Variants in GBF1 observed in about 807,000 individuals in gnomAD.
The protein encoded by GBF1 is Golgi-specific brefeldin A-resistance guanine nucleotide exchange factor 1.
Under a neutral mutation model 210.5 loss-of-function variants are expected in GBF1, and 114 were observed. That is an observed-to-expected ratio of 0.54 (90% CI 0.47 to 0.63). The LOEUF is 0.63. Among genes scored for constraint, GBF1 ranks in the 30% least tolerant of loss-of-function variants. The probability of loss-of-function intolerance (pLI) is 0.00; values close to 1 mark genes in which losing one functional copy is unlikely to be tolerated. For missense variants in GBF1, 1,851 were observed against 2,357.7 expected (o/e 0.79, Z 4.45); for synonymous variants, 850 against 889.2 (o/e 0.96, Z 0.78).
chr10:102,275,528 G>T (rs2074877808), intron 3 of GBF1, among the ~76,000 whole-genome samples: 1 of 152,138 alleles, frequency 6.6e-6, no homozygotes, highest in Non-Finnish European at 1.5e-5. Flanking sequence ...GTTAAACAGT[G>T]GTTAAGAACT....
intron 3 of GBF1, among the ~76,000 whole-genome samples, chr10:102,278,171 C>T (rs1416127426): frequency 6.6e-6 from 1 of 151,932 alleles, no homozygotes; most frequent in Non-Finnish European, 1.5e-5. Context: ...GGTGGGAGGA[C>T]TGCTTGAGCC....
At chr10:102,368,592 T>G in intron 22 of GBF1, 138 bp downstream of exon 22, 1 of 804,350 alleles carries the variant, frequency 1.2e-6, no homozygotes, top group Non-Finnish European at 2.1e-6. Flanking sequence ...GGCTGAAGCT[T>G]GGGTAGGCTC....
At chr10:102,291,958 C>A (rs946464444) in intron 3 of GBF1, among the ~76,000 whole-genome samples, 2 of 146,862 alleles carry the variant, frequency 1.4e-5, no homozygotes, top group South Asian at 4.4e-4. Context: ...GGCACAATCT[C>A]AGCTCACTGC....
intron 3 of GBF1, among the ~76,000 whole-genome samples, chr10:102,271,049 A>T (rs548522743): frequency 4.1e-4 from 61 of 149,900 alleles, no homozygotes; most frequent in South Asian, 8.5e-4. Flanking sequence ...TATTATTATT[A>T]TTTTTTGAGA....
chr10:102,259,166 T>A, intron 2 of GBF1, 132 bp downstream of exon 2: 1 of 605,060 alleles, frequency 1.7e-6, no homozygotes, highest in Non-Finnish European at 3.0e-6. Context: ...TGATATCTTG[T>A]TTTTTTGTAT....
chr10:102,248,536 A>G (rs1402197772), intron 1 of GBF1, among the ~76,000 whole-genome samples: 1 of 152,206 alleles, frequency 6.6e-6, no homozygotes, highest in African/African-American at 2.4e-5. Context: ...CCAGGCAGGT[A>G]ATGTAAATGA....
At chr10:102,327,683 G>A (rs948797671) in intron 3 of GBF1, among the ~76,000 whole-genome samples, 2 of 152,186 alleles carry the variant, frequency 1.3e-5, no homozygotes, top group African/African-American at 4.8e-5. Context: ...AGTTGATTGA[G>A]CATAAAGTAT....
intron 4 of GBF1, among the ~76,000 whole-genome samples, chr10:102,345,518 G>A (rs1224184493): frequency 4.7e-5 from 7 of 150,334 alleles, no homozygotes; most frequent in Admixed American, 6.6e-5. Flanking sequence ...AGGGTGGTAC[G>A]TGCCTGTAAT....
At chr10:102,292,935 A>T (rs907943694) in intron 3 of GBF1, among the ~76,000 whole-genome samples, 1 of 152,112 alleles carries the variant, frequency 6.6e-6, no homozygotes, top group African/African-American at 2.4e-5. Flanking sequence ...TTCTGCTTCA[A>T]ACTTGTTATG....
chr10:102,280,438 C>T (rs1052833438), intron 3 of GBF1, among the ~76,000 whole-genome samples: 3 of 152,086 alleles, frequency 2.0e-5, no homozygotes, highest in African/African-American at 7.2e-5. Flanking sequence ...AGGTTTTACC[C>T]TGTAATGTGA....
chr10:102,268,854 C>T (rs1196465293), intron 3 of GBF1, among the ~76,000 whole-genome samples: 2 of 152,154 alleles, frequency 1.3e-5, no homozygotes, highest in African/African-American at 4.8e-5. Flanking sequence ...TGTCTTTTCT[C>T]TCCTGGCATC....
intron 3 of GBF1, among the ~76,000 whole-genome samples, chr10:102,338,276 T>C (rs2057916214): frequency 6.9e-6 from 1 of 145,176 alleles, no homozygotes; most frequent in African/African-American, 2.6e-5. Context: ...AGTCTCCTTC[T>C]GTCACCCAGG....
intron 3 of GBF1, among the ~76,000 whole-genome samples, chr10:102,267,385 G>A (rs1280260410): frequency 2.0e-5 from 3 of 152,070 alleles, no homozygotes; most frequent in African/African-American, 7.2e-5. Context: ...CATGCCTGTA[G>A]TCCCAGCTAC....
At chr10:102,356,642 C>T (rs1342955346) in intron 8 of GBF1, among the ~76,000 whole-genome samples, 1 of 151,946 alleles carries the variant, frequency 6.6e-6, no homozygotes, top group Non-Finnish European at 1.5e-5. Flanking sequence ...TGGCGGGCGC[C>T]TGTAGTCCCA....
intron 14 of GBF1, among the ~76,000 whole-genome samples, 177 bp from the exon 15 acceptor site, chr10:102,362,298 C>T (rs2059662019): frequency 6.6e-6 from 1 of 151,942 alleles, no homozygotes; most frequent in South Asian, 2.1e-4. Flanking sequence ...CCTTGTGATC[C>T]ACCCGCCTCG....
intron 3 of GBF1, among the ~76,000 whole-genome samples, chr10:102,308,693 G>A (rs1822166376): frequency 2.7e-5 from 4 of 149,556 alleles, no homozygotes; most frequent in Non-Finnish European, 5.9e-5. Flanking sequence ...CATGGACACA[G>A]GAAGGGGAAC....
intron 3 of GBF1, among the ~76,000 whole-genome samples, chr10:102,282,029 C>A (rs1355957663): frequency 2.6e-5 from 4 of 151,218 alleles, no homozygotes; most frequent in Non-Finnish European, 4.4e-5. Context: ...CAGGTTCCTG[C>A]CATTCTCCTG....
chr10:102,318,139 G>A (rs1031520207), intron 3 of GBF1, among the ~76,000 whole-genome samples: 3 of 152,032 alleles, frequency 2.0e-5, no homozygotes, highest in South Asian at 2.1e-4. Flanking sequence ...CTTGTGATCC[G>A]CCCGGCCTCG....
chr10:102,358,587 C>A lies in GBF1; in HGVS notation c.869C>A (p.Thr290Lys), dbSNP rs1356871617. ...EAASAVVSPSTDSGLEFSSQT... is the reference protein window; with the variant it reads ...EAASAVVSPSKDSGLEFSSQT... ...GCCTCAGCAGTGGTCAGTCCCTCTA[C>A]AGACAGTGGCCTGGAATTCTCCTCC... Residue 290 changes from threonine (T) to lysine (K), a missense_variant, in exon 10 of 40, where the codon ACA (threonine) becomes AAA (lysine). Physicochemically the swap from Thr to Lys is moderately conservative, Grantham distance 78. Transcript: ENST00000369983. 1 of 1,613,812 alleles carries A rather than the reference C, an allele frequency of 6.2e-7. No homozygotes were observed. The highest frequency in any genetic ancestry group is 2.2e-5 in the East Asian group (1 of 44,882).
Sources: allele counts gnomAD v4.1 joint callset (sites outside exome capture counted in the v4.1 genomes callset), GRCh38; gene constraint gnomAD v4.1.1; transcripts MANE v1.5; gene names NCBI Gene and HGNC (gene_info 2026-07-23, HGNC 2026-07-21).